Variants in AGBL4 observed in about 807,000 individuals in gnomAD.
AGBL4 encodes the protein AGBL carboxypeptidase 4, also known as cytosolic carboxypeptidase 6.
AGBL4 carries 58 observed loss-of-function variants against 66.4 expected under a neutral mutation model. That is an observed-to-expected ratio of 0.87 (90% CI 0.71 to 1.09). The LOEUF (loss-of-function observed/expected upper bound fraction) is 1.09. AGBL4 is among the 50% of genes least tolerant of loss of function. The pLI is 0.00. For synonymous variants in AGBL4, 234 were observed against 222.9 expected (o/e 1.05, Z -0.44); for missense variants, 579 against 631.0 (o/e 0.92, Z 0.88).
intron 3 of AGBL4, among the ~76,000 whole-genome samples, chr1:49,284,585 A>T (rs1424449929): frequency 6.6e-6 from 1 of 152,254 alleles, no homozygotes; most frequent in African/African-American, 2.4e-5. Flanking sequence ...GGCAAATTGG[A>T]TAAAGACTCA....
At chr1:49,800,328 TC>T (rs1644828356) in intron 2 of AGBL4, among the ~76,000 whole-genome samples, 2 of 151,698 alleles carry the variant, frequency 1.3e-5, no homozygotes, top group Non-Finnish European at 2.9e-5. Context: ...GTTGGGGAAC[TC>T]CATTTATTTT....
Position 48,698,278 on chromosome 1 carries a change from C to T in AGBL4, c.635-35037G>A, listed in dbSNP as rs886648755. On this transcript the variant is annotated intron_variant, in intron 6 of 13. Coordinates refer to ENST00000371839, the MANE Select transcript of AGBL4 (RefSeq NM_032785.4). ...GAAGCATAGAGAAGCAGCAAAGAGG[C>T]TGGAGTGGACAGGGAAAGGTGGTGA... Among the ~76,000 whole-genome samples, 3 of 152,152 alleles carry T rather than the reference C, an allele frequency of 2.0e-5. No individual in the cohort carries two copies. The East Asian group carries it at 5.8e-4, about 29-fold the overall frequency.
At chr1:48,759,240 G>T in intron 6 of AGBL4, 1 of 1,590,744 alleles carries the variant, frequency 6.3e-7, no homozygotes, top group Non-Finnish European at 8.6e-7. Flanking sequence ...CCACTGCCTC[G>T]ATGCTCTTGT....
chr1:49,915,583 C>T lies in AGBL4; in HGVS notation c.35-64065G>A, dbSNP rs978905196. ...GGCTTGAGTAGGTAAACAAAGCGGC[C>T]CACAAGCTCGAACTGGGTGGAGCCC... On this transcript the variant is annotated intron_variant, in intron 1 of 13. Transcript: ENST00000371839. Among the ~76,000 whole-genome samples, 24 of 152,154 alleles carry T rather than the reference C, an allele frequency of 1.6e-4. 1 individual carries two copies. The highest frequency in any genetic ancestry group is 2.8e-4 in the Non-Finnish European group (19 of 68,036).
chr1:49,913,502 C>T (rs1017589514), intron 1 of AGBL4, among the ~76,000 whole-genome samples: 1 of 152,228 alleles, frequency 6.6e-6, no homozygotes, highest in Non-Finnish European at 1.5e-5. Flanking sequence ...TTGCTGGGCT[C>T]AGCCCACACG....
At chr1:49,907,751 A>G (rs1258276765) in intron 1 of AGBL4, among the ~76,000 whole-genome samples, 1 of 152,178 alleles carries the variant, frequency 6.6e-6, no homozygotes, top group Non-Finnish European at 1.5e-5. Flanking sequence ...AACACATGTC[A>G]TGAAACATTT....
intron 3 of AGBL4, among the ~76,000 whole-genome samples, chr1:49,463,204 T>G (rs1319863966): frequency 6.6e-6 from 1 of 151,642 alleles, no homozygotes; most frequent in Non-Finnish European, 1.5e-5. Flanking sequence ...TGTATTAAGT[T>G]TCAGAGTCAG....
chr1:49,874,209 G>C (rs1277921593), intron 1 of AGBL4, among the ~76,000 whole-genome samples: 1 of 152,066 alleles, frequency 6.6e-6, no homozygotes, highest in African/African-American at 2.4e-5. Flanking sequence ...AAATCAACTT[G>C]AAATTGATCA....
intron 2 of AGBL4, among the ~76,000 whole-genome samples, chr1:49,727,703 G>T (rs1004998880): frequency 3.3e-5 from 5 of 152,078 alleles, no homozygotes; most frequent in African/African-American, 1.2e-4. Context: ...GAAGCTTTCT[G>T]CTTTCTCAGA....
intron 9 of AGBL4, among the ~76,000 whole-genome samples, chr1:48,615,903 C>T (rs1356924861): frequency 2.0e-5 from 3 of 152,154 alleles, no homozygotes; most frequent in Non-Finnish European, 4.4e-5. Flanking sequence ...CTGGCATTTG[C>T]TTCCATGATG....
chr1:48,744,136 T>C lies in AGBL4; in HGVS notation c.635-80895A>G, dbSNP rs1650363999. Among the ~76,000 whole-genome samples, 3 of 152,200 alleles carry C rather than the reference T, an allele frequency of 2.0e-5. No homozygotes were observed. The South Asian group carries it at 6.2e-4, about 32-fold the overall frequency. On this transcript the variant is annotated intron_variant, in intron 6 of 13. Coordinates refer to ENST00000371839, the MANE Select transcript of AGBL4 (RefSeq NM_032785.4). ...AGAACCTGGCAGAGCGAAGGACCAA[T>C]AGCATCATCATCGTTCTGACAGCAC... is the stretch of plus-strand genomic sequence containing the variant.
chr1:48,913,902 A>G (rs1252932183), intron 5 of AGBL4, among the ~76,000 whole-genome samples: 1 of 152,166 alleles, frequency 6.6e-6, no homozygotes, highest in African/African-American at 2.4e-5. Context: ...TGGGATTTTC[A>G]TACCCGTGGA....
chr1:49,626,952 T>C (rs1385580907), intron 3 of AGBL4, among the ~76,000 whole-genome samples: 2 of 152,192 alleles, frequency 1.3e-5, no homozygotes, highest in African/African-American at 4.8e-5. Context: ...AAGATAGATT[T>C]ACTAAAACAA....
At chr1:49,430,193 T>C (rs114629453) in intron 3 of AGBL4, among the ~76,000 whole-genome samples, 178 of 152,208 alleles carry the variant, frequency 1.2e-3, no homozygotes, top group African/African-American at 4.2e-3. Context: ...ACTTCTCAAA[T>C]GGAGCTCCAT....
At chr1:49,321,705 T>A (rs1430705160) in intron 3 of AGBL4, among the ~76,000 whole-genome samples, 1 of 152,210 alleles carries the variant, frequency 6.6e-6, no homozygotes, top group Non-Finnish European at 1.5e-5. Flanking sequence ...AAAGGGTTTA[T>A]AATGTGTTAT....
intron 4 of AGBL4, among the ~76,000 whole-genome samples, chr1:49,200,802 G>A (rs1318172315): frequency 1.3e-5 from 2 of 152,102 alleles, no homozygotes; most frequent in Admixed American, 1.3e-4. Context: ...GGATTTTTAT[G>A]GAAACTTCAT....
intron 3 of AGBL4, among the ~76,000 whole-genome samples, chr1:49,689,088 T>C (rs141900976): frequency 0.02 from 3,035 of 152,306 alleles, 51 homozygotes; most frequent in Non-Finnish European, 0.033. Flanking sequence ...ATAATCCCAT[T>C]TGTCCATTTT....
At chr1:49,033,058 T>A (rs1664356250) in intron 5 of AGBL4, among the ~76,000 whole-genome samples, 2 of 151,864 alleles carry the variant, frequency 1.3e-5, no homozygotes, top group Admixed American at 1.3e-4. Context: ...TCATCCAGGG[T>A]TAAGGTTTGG....
chr1:48,778,564 A>G (rs1645198335), intron 6 of AGBL4, among the ~76,000 whole-genome samples: 2 of 152,222 alleles, frequency 1.3e-5, no homozygotes, highest in Non-Finnish European at 1.5e-5. Flanking sequence ...TTTAGCTGTA[A>G]GAAAAAAACA....
Sources: gnomAD v4.1 joint callset for allele counts (sites outside exome capture counted in the v4.1 genomes callset) on GRCh38, gnomAD v4.1.1 for gene constraint, MANE v1.5 for transcripts, NCBI Gene and HGNC (gene_info 2026-07-23, HGNC 2026-07-21) for gene names.